The following ADAM22 variants were observed in gnomAD, a reference collection of about 807,000 sequenced individuals.
The protein encoded by ADAM22 is ADAM metallopeptidase domain 22.
A neutral mutation model predicts 144.6 loss-of-function variants in ADAM22; 65 were observed. The observed-to-expected ratio is 0.45, with a 90% CI of 0.37 to 0.55. The LOEUF (loss-of-function observed/expected upper bound fraction) is 0.55. Among genes scored for constraint, ADAM22 ranks in the 20% least tolerant of loss-of-function variants. The pLI is 0.00. For synonymous variants in ADAM22, 391 were observed against 412.6 expected, an observed-to-expected ratio of 0.95 and a Z score of 0.63; for missense variants, 974 against 1,184.9, an observed-to-expected ratio of 0.82 and a Z score of 2.61.
intron 2 of ADAM22, among the ~76,000 whole-genome samples, chr7:87,971,727 ATT>A (rs1380846502): frequency 6.6e-6 from 1 of 152,178 alleles, no homozygotes; most frequent in African/African-American, 2.4e-5. Flanking sequence ...TATTATACTG[ATT>A]CTCTCTTCTC....
At chr7:87,961,498 T>A (rs1847989531) in intron 2 of ADAM22, among the ~76,000 whole-genome samples, 1 of 152,252 alleles carries the variant, frequency 6.6e-6, no homozygotes. Flanking sequence ...AATCCCACAA[T>A]GTAATGCATT....
In ADAM22 at chr7:88,060,049, A is replaced by G. The variant is rs565284582; in HGVS notation, c.324-15577A>G. 3.5e-3 allele frequency among the ~76,000 whole-genome samples: 538 copies of G among 152,308 alleles called. 1 individual carries two copies. The highest frequency in any genetic ancestry group is 6.6e-3 in the Non-Finnish European group (446 of 68,024). On this transcript the variant is annotated intron_variant, in intron 3 of 31. Coordinates refer to ENST00000413139, the MANE Select transcript of ADAM22 (RefSeq NM_001324418.2). ...GTTTACACTATATTATAGTCTAGTAAGTGTGCAACAGCATTATGTCTAAAA... is the reference window on the plus strand; with the variant it reads ...GTTTACACTATATTATAGTCTAGTAGGTGTGCAACAGCATTATGTCTAAAA...
At chr7:88,187,918 C>A (rs1443606158) in intron 30 of ADAM22, among the ~76,000 whole-genome samples, 1 of 151,674 alleles carries the variant, frequency 6.6e-6, no homozygotes, top group South Asian at 2.1e-4. Context: ...GCTTTTATAC[C>A]CCATCTTTCC....
intron 3 of ADAM22, among the ~76,000 whole-genome samples, chr7:88,009,187 C>G (rs1794754602): frequency 1.3e-5 from 2 of 151,930 alleles, no homozygotes; most frequent in Admixed American, 1.3e-4. Flanking sequence ...AATTAATGAC[C>G]CCCATGACAC....
intron 4 of ADAM22, among the ~76,000 whole-genome samples, chr7:88,104,792 A>G (rs929291886): frequency 6.6e-6 from 1 of 150,476 alleles, no homozygotes; most frequent in Non-Finnish European, 1.5e-5. Context: ...AGTAATGCAA[A>G]TTGAGATTTT....
intron 3 of ADAM22, among the ~76,000 whole-genome samples, chr7:88,014,034 T>TAG (rs1796027552): frequency 6.6e-6 from 1 of 152,182 alleles, no homozygotes; most frequent in Non-Finnish European, 1.5e-5. Context: ...ATCTATGAAA[T>TAG]CATAGGTTTG....
chr7:88,121,682 A>G (rs1043271647), intron 7 of ADAM22, among the ~76,000 whole-genome samples: 3 of 152,108 alleles, frequency 2.0e-5, no homozygotes, highest in Non-Finnish European at 4.4e-5. Flanking sequence ...CCTGGTAGCT[A>G]ACTTGTTCCA....
At chr7:88,107,207 T>C (rs1166468208) in intron 4 of ADAM22, among the ~76,000 whole-genome samples, 11 of 142,666 alleles carry the variant, frequency 7.7e-5, no homozygotes, top group African/African-American at 1.3e-4. Flanking sequence ...TCTTTTTTTT[T>C]TTTTTTTTTT....
intron 3 of ADAM22, among the ~76,000 whole-genome samples, chr7:87,992,322 T>C (rs1054265166): frequency 2.0e-5 from 3 of 152,118 alleles, no homozygotes; most frequent in African/African-American, 7.2e-5. Flanking sequence ...GAGGCTAAGA[T>C]GCTTTGTTTG....
chr7:88,199,117 C>T lies in ADAM22; in HGVS notation c.*2626C>T, dbSNP rs1399989001. 2 of 152,126 alleles carry T rather than the reference C, an allele frequency of 1.3e-5. No homozygotes were observed. Among genetic ancestry groups the T allele is most frequent in the Non-Finnish European group, 2.9e-5 (2 of 68,018 alleles). 9.4% of individuals were successfully genotyped at this position (152,126 alleles called of 1,614,324 possible). ...CATCTAAATATTTATGACTTTTCAT[C>T]CACCGAGGTAGGTAGCATTAAATAT... On this transcript the variant is annotated 3_prime_UTR_variant, in exon 32 of 32. Transcript: ENST00000413139.
At chr7:88,096,890 T>C (rs986464006) in intron 4 of ADAM22, among the ~76,000 whole-genome samples, 35 of 152,194 alleles carry the variant, frequency 2.3e-4, no homozygotes, top group African/African-American at 8.0e-4. Context: ...TACTTTTTCA[T>C]GCTTAGCATC....
chr7:88,076,224 CA>C (rs1328794084), intron 4 of ADAM22, among the ~76,000 whole-genome samples: 7 of 151,864 alleles, frequency 4.6e-5, no homozygotes, highest in Non-Finnish European at 8.8e-5. Context: ...TTTTAGTGGA[CA>C]GGGGGTTTCA....
At chr7:88,027,996 G>C (rs1252832937) in intron 3 of ADAM22, among the ~76,000 whole-genome samples, 1 of 152,112 alleles carries the variant, frequency 6.6e-6, no homozygotes, top group Non-Finnish European at 1.5e-5. Flanking sequence ...CACCATGTTG[G>C]CTGGCCTCGA....
intron 3 of ADAM22, among the ~76,000 whole-genome samples, chr7:88,048,813 C>T (rs1283190798): frequency 6.6e-6 from 1 of 151,904 alleles, no homozygotes; most frequent in African/African-American, 2.4e-5. Flanking sequence ...TTATGGCTAC[C>T]CTCTACATTC....
chr7:88,082,282 A>T (rs1239783910), intron 4 of ADAM22, among the ~76,000 whole-genome samples: 1 of 152,224 alleles, frequency 6.6e-6, no homozygotes, highest in Non-Finnish European at 1.5e-5. Context: ...CTGGCTAGCC[A>T]TAAGTAAAAA....
At chr7:87,974,752 G>C (rs1851488451) in intron 2 of ADAM22, among the ~76,000 whole-genome samples, 1 of 152,204 alleles carries the variant, frequency 6.6e-6, no homozygotes, top group Non-Finnish European at 1.5e-5. Context: ...TCAGAAGCCT[G>C]AAATAGGTCT....
intron 3 of ADAM22, among the ~76,000 whole-genome samples, chr7:87,980,198 T>C (rs1285451943): frequency 1.3e-5 from 2 of 152,026 alleles, no homozygotes; most frequent in African/African-American, 4.8e-5. Context: ...TCTTTCTATT[T>C]CAATGCAAAT....
intron 7 of ADAM22, among the ~76,000 whole-genome samples, chr7:88,118,639 A>C (rs530765238): frequency 7.3e-4 from 76 of 103,936 alleles, no homozygotes; most frequent in East Asian, 2.1e-3. Context: ...ATAACCTTAT[A>C]TATCTATCTA....
intron 3 of ADAM22, among the ~76,000 whole-genome samples, chr7:87,999,329 C>G (rs970209204): frequency 2.0e-5 from 3 of 152,120 alleles, no homozygotes; most frequent in African/African-American, 7.2e-5. Flanking sequence ...CACAACATAG[C>G]TGTGTGTGGG....
Sources: gnomAD v4.1 joint callset for allele counts (sites outside exome capture counted in the v4.1 genomes callset) on GRCh38, gnomAD v4.1.1 for gene constraint, MANE v1.5 for transcripts, NCBI Gene and HGNC (gene_info 2026-07-23, HGNC 2026-07-21) for gene names.